The following COL6A3 variants were observed in gnomAD, a reference collection of about 807,000 sequenced individuals.
COL6A3 encodes the protein collagen type VI alpha 3 chain.
COL6A3 carries 137 observed loss-of-function variants against 274.1 expected under a neutral mutation model. That is an observed-to-expected ratio of 0.50 (90% CI 0.44 to 0.58). COL6A3 has a LOEUF of 0.58. Ranked by LOEUF, COL6A3 falls within the 20% of genes least tolerant of loss-of-function variation. The pLI, the probability that COL6A3 is intolerant of heterozygous loss-of-function variation, is 0.00. For synonymous variants in COL6A3, 1,650 were observed against 1,650.6 expected (o/e 1.00, Z 0.01); for missense variants, 3,950 against 4,124.9 (o/e 0.96, Z 1.16).
intron 14 of COL6A3, among the ~76,000 whole-genome samples, 165 bp downstream of exon 14, chr2:237,363,088 T>G (rs1195950125): frequency 6.6e-6 from 1 of 152,072 alleles, no homozygotes; most frequent in African/African-American, 2.4e-5. Context: ...TTCACATGTG[T>G]TATGGCAACA....
chr2:237,372,578 G>A (rs950788190), intron 8 of COL6A3, among the ~76,000 whole-genome samples: 10 of 152,242 alleles, frequency 6.6e-5, no homozygotes, highest in Non-Finnish European at 5.9e-5. Flanking sequence ...GCACCAGCGA[G>A]GATGGTACTT....
intron 9 of COL6A3, among the ~76,000 whole-genome samples, chr2:237,369,889 G>C (rs1345004884): frequency 6.7e-6 from 1 of 150,352 alleles, no homozygotes; most frequent in Non-Finnish European, 1.5e-5. Context: ...CCAGGCTGGA[G>C]TGCAGTTGCA....
intron 39 of COL6A3, 109 bp downstream of exon 39, chr2:237,338,906 C>A (rs1700683638): frequency 1.2e-6 from 1 of 809,898 alleles, no homozygotes. Context: ...TGGGAAGTCA[C>A]ATTTTCTGGA....
rs138383759 is a variant in COL6A3, at chr2:237,357,724, G to A, written c.6537+93C>T. The stretch of plus-strand genomic sequence containing the variant: ...GCTACGTTGCAGTGTTAAAGGCCAC[G>A]TCTTTGGCCTCTGTGGCTGCTGATG... On this transcript the variant is annotated intron_variant, in intron 22 of 43. Transcript: ENST00000295550. The A allele has an allele frequency of 7.7e-4, 998 of 1,288,694 alleles. 2 individuals are homozygous for A. The African/African-American group carries it at 0.012, about 16-fold the overall frequency. 79.8% of individuals were successfully genotyped at this position (1,288,694 alleles called of 1,614,324 possible).
At chr2:237,346,922 A>G (rs2077108478) in intron 31 of COL6A3, among the ~76,000 whole-genome samples, 2 of 151,718 alleles carry the variant, frequency 1.3e-5, no homozygotes, top group African/African-American at 2.4e-5. Context: ...TAATCATCCA[A>G]TGTTTTAAAG....
intron 8 of COL6A3, among the ~76,000 whole-genome samples, chr2:237,373,100 G>A (rs1431900922): frequency 6.6e-6 from 1 of 152,176 alleles, no homozygotes; most frequent in Non-Finnish European, 1.5e-5. Context: ...CAGGAGAGGT[G>A]TGAGAGAAGC....
Position 237,340,557 on chromosome 2 carries a change from C to A in COL6A3, c.8359G>T (p.Ala2787Ser), listed in dbSNP as rs763395740. ...AAGAAGACGTCGTTTGGCTCACTGG[C>A]GAAGGTGTATACCTCCTTGATGTTC... ...KVNIKEVYTF[A>S]SEPNDVFFKL... Residue 2787 changes from alanine to serine, a missense_variant, in exon 38 of 44, where the codon GCC becomes TCC. Coordinates refer to ENST00000295550, the MANE Select transcript of COL6A3 (RefSeq NM_004369.4). 3 of 1,614,038 alleles carry A rather than the reference C, an allele frequency of 1.9e-6. No individual in the cohort carries two copies. The highest frequency in any genetic ancestry group is 1.7e-5 in the Admixed American group (1 of 60,004).
At position 237,376,766 on chromosome 2, in the gene COL6A3, C is replaced by T. The variant is rs761124398; in HGVS notation, c.3070+6G>A. The T allele has an allele frequency of 9.3e-6, 15 of 1,614,084 alleles. No homozygotes were observed. The South Asian group carries it at 1.5e-4, about 17-fold the overall frequency. ...TGGCAGAGCAACTAGCATTTCTCTA[C>T]CATACCTGGTGCTGGTGCTCCGTTG... On this transcript the variant is annotated splice_donor_region_variant and intron_variant, in intron 7 of 43. Transcript: ENST00000295550.
At position 237,344,694 on chromosome 2, in the gene COL6A3, C is replaced by A. The variant is rs756402073; in HGVS notation, c.7324G>T (p.Gly2442Trp). 2.5e-6 allele frequency: 4 copies of A among 1,609,664 alleles called. No individual in the cohort carries two copies. The Admixed American group carries it at 5.0e-5, about 20-fold the overall frequency. Residue 2442 changes from glycine (G) to tryptophan (W), a missense_variant, in exon 36 of 44, where the codon GGG (glycine) becomes TGG (tryptophan). Physicochemically the swap from Gly to Trp is radical, Grantham distance 184. Around this residue, in one of 5 missense-constraint regions of COL6A3, gnomAD observed 1,284 missense variants for 1,349.7 expected, o/e 0.95. Transcript: ENST00000295550. This position sits in a 1 kb window ranked among gnomAD's most constrained non-coding sequence, Gnocchi z 4.8. ...LTIAESNCPR[G>W]ARVAVVTYNN... ...TAGGTGACCACAGCCACCCGGGCCC[C>A]CCGTGGGCAGTTGCTCTCAGCAATG...
Position 237,413,094 on chromosome 2 carries a change from TC to T in COL6A3, c.-31+858del, listed in dbSNP as rs2078896345. On this transcript the variant is annotated intron_variant, in intron 1 of 43. Coordinates refer to ENST00000295550, the MANE Select transcript of COL6A3 (RefSeq NM_004369.4). The surrounding 1 kb of genome is among the most constrained non-coding windows in gnomAD (Gnocchi z 4.0). ...AGGCTGGCCACTGTCAGCGAACGTG[TC>T]CATCCTCAGCAAGAGAGGGCCCGAG... is the stretch of plus-strand genomic sequence containing the variant. 6.6e-6 allele frequency among the ~76,000 whole-genome samples: 1 copy of T among 152,154 alleles called. No individual in the cohort carries two copies. Among genetic ancestry groups the T allele is most frequent in the South Asian group, 2.1e-4 (1 of 4,824 alleles).
In COL6A3 at chr2:237,361,327, C is replaced by T. The variant is rs542330311; in HGVS notation, c.6157-153G>A. Among the ~76,000 whole-genome samples the T allele has an allele frequency of 9.9e-5, 15 of 152,272 alleles. No homozygotes were observed. Among genetic ancestry groups the T allele is most frequent in the African/African-American group, 3.4e-4 (14 of 41,572 alleles). ...CTTTTCCCCTCAGTACACCATGTCA[C>T]GATTCTCTCTATCAGGATCTCTAAG... On this transcript the variant is annotated intron_variant, in intron 15 of 43. Transcript: ENST00000295550. The surrounding 1 kb of genome is among the most constrained non-coding windows in gnomAD (Gnocchi z 5.1).
chr2:237,358,501 G>A lies in COL6A3; in HGVS notation c.6471+20C>T, dbSNP rs370407313. 59 of 1,607,368 alleles carry A rather than the reference G, an allele frequency of 3.7e-5. No individual in the cohort carries two copies. Among genetic ancestry groups the A allele is most frequent in the Admixed American group, 8.3e-5 (5 of 59,966 alleles). ...CTTCCCCAGGCTCAGGTCTGAAATC[G>A]TCAATAAAGAAATCTTTACCGGGTC... On this transcript the variant is annotated intron_variant, in intron 21 of 43. Transcript: ENST00000295550.
In COL6A3 at chr2:237,368,481, A is replaced by G. The variant is rs1367208504; in HGVS notation, c.4900+82T>C. ...ACAACCCAGAGAGAAGAAAATTATT[A>G]AAAATGACTACTGATTACTTTTTTA... On this transcript the variant is annotated intron_variant, in intron 10 of 43. Transcript: ENST00000295550. This position sits in a 1 kb window ranked among gnomAD's most constrained non-coding sequence, Gnocchi z 4.4. The G allele has an allele frequency of 6.6e-7, 1 of 1,507,890 alleles. No homozygotes were observed. The highest frequency in any genetic ancestry group is 9.0e-7 in the Non-Finnish European group (1 of 1,113,070). The allele number at this position is 1,507,890 out of a possible 1,614,324, so 93.4% of individuals were successfully genotyped here.
intron 8 of COL6A3, among the ~76,000 whole-genome samples, chr2:237,373,493 G>A (rs764228880): frequency 4.6e-5 from 7 of 152,118 alleles, no homozygotes; most frequent in African/African-American, 7.2e-5. Flanking sequence ...AGGCACCAGC[G>A]AGGAGAAACC....
rs2078005083 is a variant in COL6A3, at chr2:237,381,478, T to A, written c.1334A>T (p.Asp445Val). Residue 445 changes from aspartate (D) to valine (V), a missense_variant, in exon 5 of 44, where the codon GAC becomes GTC. Physicochemically the swap from Asp to Val is radical, Grantham distance 152. Transcript: ENST00000295550. Reference protein sequence around the residue: ...VTQVIEVNKRDIVFLVDGSSA... With the variant: ...VTQVIEVNKRVIVFLVDGSSA... ...TGAGCCATCCACCAGGAAGACTATG[T>A]CTCTCTTGTTGACTTCAATGACTGT... 1 of 1,604,274 alleles carries A rather than the reference T, an allele frequency of 6.2e-7. No individual in the cohort carries two copies. The highest frequency in any genetic ancestry group is 1.7e-4 in the Middle Eastern group (1 of 6,060).
At chr2:237,347,197 C>T (rs7586434) in intron 31 of COL6A3, among the ~76,000 whole-genome samples, 2,782 of 152,002 alleles carry the variant, frequency 0.018, 102 homozygotes, top group African/African-American at 0.062. Context: ...ATCGCTTGAT[C>T]CCAGGAGATG....
At position 237,372,052 on chromosome 2, in the gene COL6A3, T is replaced by C; in HGVS notation, c.3965A>G (p.Asn1322Ser). 2 of 1,614,080 alleles carry C rather than the reference T, an allele frequency of 1.2e-6. No homozygotes were observed. The highest frequency in any genetic ancestry group is 1.7e-6 in the Non-Finnish European group (2 of 1,180,028). The stretch of plus-strand genomic sequence containing the variant: ...GCTCCCCAGGGGCCTCTTGAAGATG[T>C]TCCTGGACACGTACTCCAGGGCATT... ...VGNALEYVSR[N>S]IFKRPLGSRI... The change falls in exon 9 of 44, where the codon AAC becomes AGC. Residue 1322 changes from asparagine (N) to serine (S), a missense_variant. By Grantham distance (46) the Asn-to-Ser change is conservative. Coordinates refer to ENST00000295550, the MANE Select transcript of COL6A3 (RefSeq NM_004369.4).
chr2:237,361,756 C>T lies in COL6A3; in HGVS notation c.6139G>A (p.Gly2047Ser). The T allele has an allele frequency of 1.9e-6, 3 of 1,614,204 alleles. No individual in the cohort carries two copies. Among genetic ancestry groups the T allele is most frequent in the Non-Finnish European group, 2.5e-6 (3 of 1,180,036 alleles). ...CACCGTACCTTTGGCCCGATGCTGC[C>T]GATGGGCCCGCGGTCTCCCCTCTGC... ...SGQRGDRGPIGSIGPKGIPGE... is the reference protein window; with the variant it reads ...SGQRGDRGPISSIGPKGIPGE... Residue 2047 changes from glycine (G) to serine (S), a missense_variant, in exon 15 of 44, where the codon GGC becomes AGC. This residue lies in a region of COL6A3 where 92 missense variants were observed against 143.4 expected (regional missense o/e 0.64). Transcript: ENST00000295550. This position sits in a 1 kb window ranked among gnomAD's most constrained non-coding sequence, Gnocchi z 5.1.
chr2:237,344,764 G>T lies in COL6A3; in HGVS notation c.7254C>A (p.Phe2418Leu), dbSNP rs768794876. 2 of 1,602,018 alleles carry T rather than the reference G, an allele frequency of 1.2e-6. No homozygotes were observed. Among genetic ancestry groups the T allele is most frequent in the Non-Finnish European group, 1.7e-6 (2 of 1,174,574 alleles). Residue 2418 changes from phenylalanine (F) to leucine (L), a missense_variant, in exon 36 of 44, where the codon TTC becomes TTA. Around this residue, in one of 5 missense-constraint regions of COL6A3, gnomAD observed 1,284 missense variants for 1,349.7 expected, o/e 0.95. Coordinates refer to ENST00000295550, the MANE Select transcript of COL6A3 (RefSeq NM_004369.4). This position sits in a 1 kb window ranked among gnomAD's most constrained non-coding sequence, Gnocchi z 4.8. The part of the protein sequence containing the change: ...DTSEGVNQDT[F>L]GRMRDVVLSI... ...TCAAGACCACATCTCGCATCCGGCC[G>T]AAAGTGTCTTGGTTGACTCCCTCAG...
Sources: allele counts gnomAD v4.1 joint callset (sites outside exome capture counted in the v4.1 genomes callset), GRCh38; gene constraint gnomAD v4.1.1; regional missense constraint gnomAD v4.1.1; non-coding constraint Gnocchi (gnomAD v3.1); transcripts MANE v1.5; gene names NCBI Gene and HGNC (gene_info 2026-07-23, HGNC 2026-07-21).